GLCCI1: variants seen among roughly 807,000 people sequenced by gnomAD.
GLCCI1 encodes glucocorticoid induced 1, also known as glucocorticoid-induced transcript 1 protein.
GLCCI1 carries 24 observed loss-of-function variants against 52.2 expected under a neutral mutation model. That is an observed-to-expected ratio of 0.46 (90% CI 0.33 to 0.65). The LOEUF (loss-of-function observed/expected upper bound fraction) is 0.65. Among genes scored for constraint, GLCCI1 ranks in the 30% least tolerant of loss-of-function variants. The pLI is 0.02. For synonymous variants in GLCCI1, 310 were observed against 276.5 expected, an observed-to-expected ratio of 1.12 and a Z score of -1.20; for missense variants, 704 against 701.5, an observed-to-expected ratio of 1.00 and a Z score of -0.04.
intron 3 of GLCCI1, among the ~76,000 whole-genome samples, chr7:8,037,762 A>G (rs1454065421): frequency 6.6e-6 from 1 of 152,168 alleles, no homozygotes; most frequent in African/African-American, 2.4e-5. Context: ...CATCAGATAA[A>G]ACAGATTTTA....
chr7:7,988,435 A>T (rs1327516436), intron 1 of GLCCI1, among the ~76,000 whole-genome samples: 2 of 152,180 alleles, frequency 1.3e-5, no homozygotes, highest in Non-Finnish European at 2.9e-5. Context: ...CCTTTAAGGA[A>T]AACAGTGCAC....
chr7:8,042,551 G>A (rs973970934), intron 3 of GLCCI1, among the ~76,000 whole-genome samples: 2 of 152,198 alleles, frequency 1.3e-5, no homozygotes, highest in Non-Finnish European at 2.9e-5. Flanking sequence ...AGTGGCTCAT[G>A]CCTATAATCC....
intron 1 of GLCCI1, among the ~76,000 whole-genome samples, chr7:7,997,365 A>C (rs1780955778): frequency 6.6e-6 from 1 of 151,888 alleles, no homozygotes; most frequent in Non-Finnish European, 1.5e-5. Context: ...ATTGAGCTTT[A>C]GGAAATTTAT....
intron 3 of GLCCI1, among the ~76,000 whole-genome samples, chr7:8,041,333 T>C (rs1023592023): frequency 2.0e-5 from 3 of 152,164 alleles, no homozygotes; most frequent in African/African-American, 7.2e-5. Context: ...AGACATTGGT[T>C]CTGAGGTTTA....
intron 6 of GLCCI1, among the ~76,000 whole-genome samples, chr7:8,081,716 T>G (rs1245702401): frequency 1.3e-5 from 2 of 152,216 alleles, no homozygotes; most frequent in African/African-American, 4.8e-5. Flanking sequence ...TTCCAAACTC[T>G]AATTTATTAT....
In GLCCI1 at chr7:8,088,040, C is replaced by G. The variant is rs1783155200; in HGVS notation, c.*1502C>G. 6.6e-6 allele frequency: 1 copy of G among 152,118 alleles called. No individual in the cohort carries two copies. Among genetic ancestry groups the G allele is most frequent in the Non-Finnish European group, 1.5e-5 (1 of 68,002 alleles). 9.4% of individuals were successfully genotyped at this position (152,118 alleles called of 1,614,324 possible). On this transcript the variant is annotated 3_prime_UTR_variant, in exon 8 of 8. Coordinates refer to ENST00000223145, the MANE Select transcript of GLCCI1 (RefSeq NM_138426.4). The stretch of plus-strand genomic sequence containing the variant: ...TCAATAAAACCTAGAGTTGTTTCAT[C>G]TGCGCCTAAAGTGTATGGCACAATT...
chr7:8,022,424 T>A, intron 2 of GLCCI1, 59 bp from the exon 3 acceptor site: 1 of 957,146 alleles, frequency 1.0e-6, no homozygotes. Flanking sequence ...TTTCAGTTGC[T>A]TGAGATTAGG....
chr7:8,018,165 CAT>C (rs1781414837), intron 2 of GLCCI1, among the ~76,000 whole-genome samples: 2 of 152,040 alleles, frequency 1.3e-5, no homozygotes, highest in Admixed American at 6.5e-5. Context: ...AGTCAGTACT[CAT>C]ATTTCTATAA....
At chr7:7,990,410 A>G (rs966148901) in intron 1 of GLCCI1, among the ~76,000 whole-genome samples, 1 of 152,122 alleles carries the variant, frequency 6.6e-6, no homozygotes, top group Non-Finnish European at 1.5e-5. Flanking sequence ...AATAATGCCC[A>G]GTTTTGTGGC....
Position 8,084,612 on chromosome 7 carries a change from A to G in GLCCI1, c.1178-285A>G, listed in dbSNP as rs1562455097. On this transcript the variant is annotated intron_variant, in intron 6 of 7. Transcript: ENST00000223145. Reference sequence around the variant, plus strand: ...TTTGCATTCTTGAAATACGTAATAAATAACATATTTGTTTTCAGGATTACA... The same window carrying G: ...TTTGCATTCTTGAAATACGTAATAAGTAACATATTTGTTTTCAGGATTACA... 4 of 257,384 alleles carry G rather than the reference A, an allele frequency of 1.6e-5. No individual in the cohort carries two copies. The Admixed American group carries it at 1.6e-4, about 10-fold the overall frequency. 15.9% of individuals were successfully genotyped at this position (257,384 alleles called of 1,614,324 possible). A position where few individuals can be genotyped will look rare whatever the true frequency, so the allele number is the denominator to read the frequency against.
intron 6 of GLCCI1, among the ~76,000 whole-genome samples, chr7:8,071,751 C>A (rs1782766266): frequency 1.3e-5 from 2 of 152,162 alleles, no homozygotes; most frequent in African/African-American, 4.8e-5. Context: ...CTGTTTCTAG[C>A]CCCCTAAGAC....
intron 3 of GLCCI1, among the ~76,000 whole-genome samples, chr7:8,035,098 C>T (rs1781837123): frequency 6.6e-6 from 1 of 152,146 alleles, no homozygotes; most frequent in African/African-American, 2.4e-5. Context: ...GGCACTCACT[C>T]AGATTGTAGC....
intron 3 of GLCCI1, among the ~76,000 whole-genome samples, chr7:8,047,003 A>AG (rs763882189): frequency 4.0e-5 from 6 of 150,360 alleles, no homozygotes; most frequent in East Asian, 2.1e-4. Context: ...AGAAACAGAG[A>AG]GGGGGAAAAA....
intron 1 of GLCCI1, chr7:7,981,332 T>G (rs1189288219): frequency 4.1e-6 from 1 of 246,120 alleles, no homozygotes; most frequent in Non-Finnish European, 7.7e-6. Flanking sequence ...CTTTCTTTCT[T>G]TTTTTGTTGA....
intron 3 of GLCCI1, among the ~76,000 whole-genome samples, chr7:8,044,069 C>T (rs985335128): frequency 2.0e-5 from 3 of 151,830 alleles, no homozygotes; most frequent in Non-Finnish European, 2.9e-5. Flanking sequence ...CTCAGCCTCC[C>T]GAGTAGCTGG....
At chr7:8,063,964 T>A (rs948367497) in intron 5 of GLCCI1, among the ~76,000 whole-genome samples, 5 of 152,162 alleles carry the variant, frequency 3.3e-5, no homozygotes, top group Non-Finnish European at 7.3e-5. Flanking sequence ...TGGTTTTTGC[T>A]TGTTCATTTG....
chr7:8,059,925 C>A (rs1254659511), intron 4 of GLCCI1, among the ~76,000 whole-genome samples, 171 bp from the exon 5 acceptor site: 1 of 152,172 alleles, frequency 6.6e-6, no homozygotes, highest in African/African-American at 2.4e-5. Context: ...TTTCATTTTA[C>A]TTTCTTACTT....
At chr7:8,024,637 T>G (rs1781572780) in intron 3 of GLCCI1, 1 of 152,242 alleles carries the variant, frequency 6.6e-6, no homozygotes, top group Non-Finnish European at 1.5e-5. Context: ...TAACTATAAC[T>G]GGATTTCAGT....
chr7:8,085,159 G>T, intron 7 of GLCCI1, 142 bp downstream of exon 7: 2 of 888,638 alleles, frequency 2.3e-6, no homozygotes, highest in Non-Finnish European at 3.4e-6. Context: ...AATTGAATAG[G>T]CAAGAGAGAT....
Sources: gnomAD v4.1 joint callset for allele counts (sites outside exome capture counted in the v4.1 genomes callset) on GRCh38, gnomAD v4.1.1 for gene constraint, MANE v1.5 for transcripts, NCBI Gene and HGNC (gene_info 2026-07-23, HGNC 2026-07-21) for gene names.